PLEKHG7: variants seen among roughly 807,000 people sequenced by gnomAD.
PLEKHG7 encodes pleckstrin homology and RhoGEF domain containing G7.
Under a neutral mutation model 85.2 loss-of-function variants are expected in PLEKHG7, and 77 were observed. The ratio of observed to expected loss-of-function variants is 0.90; its 90% CI spans 0.75 to 1.09. The LOEUF is 1.09. Among genes scored for constraint, PLEKHG7 ranks in the 50% least tolerant of loss-of-function variants. PLEKHG7 has a pLI of 0.00. For missense variants in PLEKHG7, 777 were observed against 804.3 expected, an observed-to-expected ratio of 0.97 and a Z score of 0.41; for synonymous variants, 301 against 302.4, an observed-to-expected ratio of 1.00 and a Z score of 0.05.
rs1872810579 is a variant in PLEKHG7 at position 92,755,839 on chromosome 12, A to C, written c.1441A>C (p.Lys481Gln). 6.2e-7 allele frequency: 1 copy of C among 1,612,286 alleles called. No homozygotes were observed. The highest frequency in any genetic ancestry group is 1.3e-5 in the African/African-American group (1 of 74,862). ...VEKSIRDLEGKVKWLDNFQKF... is the reference protein window; with the variant it reads ...VEKSIRDLEGQVKWLDNFQKF... Reference sequence around the variant, plus strand: ...ATGTCTTTCAGGGGACCTTGAAGGAAAAGTGAAGTGGCTGGACAATTTCCA... The same window carrying C: ...ATGTCTTTCAGGGGACCTTGAAGGACAAGTGAAGTGGCTGGACAATTTCCA... Residue 481 changes from lysine to glutamine, a missense_variant, in exon 12 of 17, where the codon AAA (lysine) becomes CAA (glutamine). Coordinates refer to ENST00000344636, the MANE Select transcript of PLEKHG7 (RefSeq NM_001377329.1).
rs771132449 is a variant in PLEKHG7 at position 92,707,649 on chromosome 12, G to T, written c.508-1G>T. The T allele has an allele frequency of 1.1e-5, 18 of 1,613,554 alleles. No individual in the cohort carries two copies. The East Asian group carries it at 3.8e-4, about 34-fold the overall frequency. Reference sequence around the variant, plus strand: ...ACATATGTTCTTAAAATTTATTTCAGGGAGAAGAATTGCACCCATCCAGGT... The same window carrying T: ...ACATATGTTCTTAAAATTTATTTCATGGAGAAGAATTGCACCCATCCAGGT... On this transcript the variant is annotated splice_acceptor_variant, in intron 2 of 16. Coordinates refer to ENST00000344636, the MANE Select transcript of PLEKHG7 (RefSeq NM_001377329.1). LOFTEE classifies it high-confidence loss of function.
At chr12:92,731,636 G>C (rs1463035765) in intron 4 of PLEKHG7, among the ~76,000 whole-genome samples, 1 of 152,172 alleles carries the variant, frequency 6.6e-6, no homozygotes, top group African/African-American at 2.4e-5. Flanking sequence ...AATAATGAGG[G>C]ATTGAATAAC....
intron 3 of PLEKHG7, among the ~76,000 whole-genome samples, chr12:92,726,315 G>T (rs1291481465): frequency 6.6e-6 from 1 of 152,152 alleles, no homozygotes; most frequent in Non-Finnish European, 1.5e-5. Context: ...AGTGCTAGAT[G>T]GCAATAGACA....
At chr12:92,758,253 A>G (rs1872890893) in intron 13 of PLEKHG7, among the ~76,000 whole-genome samples, 1 of 152,236 alleles carries the variant, frequency 6.6e-6, no homozygotes, top group Non-Finnish European at 1.5e-5. Flanking sequence ...AAGATGCACC[A>G]GCTTCTCCTA....
intron 3 of PLEKHG7, among the ~76,000 whole-genome samples, chr12:92,723,307 G>A (rs961078575): frequency 2.0e-5 from 3 of 152,122 alleles, no homozygotes; most frequent in Non-Finnish European, 4.4e-5. Flanking sequence ...ACCAGGAGCT[G>A]GACCTAAGGG....
chr12:92,756,453 C>A (rs1872835512), intron 13 of PLEKHG7, 62 bp downstream of exon 13: 1 of 1,284,296 alleles, frequency 7.8e-7, no homozygotes, highest in Non-Finnish European at 1.1e-6. Flanking sequence ...TGTTTGACTG[C>A]CAGTAATTGA....
In PLEKHG7 at chr12:92,770,196, G is replaced by T; in HGVS notation, c.*1G>T. On this transcript the variant is annotated 3_prime_UTR_variant, in exon 17 of 17. Transcript: ENST00000344636. ...GCCCGCAGAATCCTCTGAAATTTAG[G>T]GACCTAAAACAAGTGGCATGTCTTT... 6.4e-7 allele frequency: 1 copy of T among 1,572,762 alleles called. No individual in the cohort carries two copies. The highest frequency in any genetic ancestry group is 8.7e-7 in the Non-Finnish European group (1 of 1,151,260).
At chr12:92,764,394 G>A (rs530815520) in intron 15 of PLEKHG7, among the ~76,000 whole-genome samples, 200 bp downstream of exon 15, 12 of 152,230 alleles carry the variant, frequency 7.9e-5, no homozygotes, top group South Asian at 2.1e-4. Flanking sequence ...CTTGCTAGCC[G>A]TATGACCTTA....
In PLEKHG7 at chr12:92,741,510, A is replaced by G. The variant is rs763486234; in HGVS notation, c.1055A>G (p.Asn352Ser). The change falls in exon 9 of 17, where the codon AAC becomes AGC. Residue 352 changes from asparagine to serine, a missense_variant. By Grantham distance (46) the Asn-to-Ser change is conservative (BLOSUM62 1). Transcript: ENST00000344636. ...CCCTAGACAAGCCTTGGTTTTGTGA[A>G]CAGTCTCTTTGGCATCATCAAGGAC... ...ELTQTSLGFV[N>S]SLFGIIKDYV... 1 of 1,610,380 alleles carries G rather than the reference A, an allele frequency of 6.2e-7. No homozygotes were observed. Among genetic ancestry groups the G allele is most frequent in the Non-Finnish European group, 8.5e-7 (1 of 1,178,594 alleles).
At chr12:92,755,578 A>G (rs1872801939) in intron 11 of PLEKHG7, among the ~76,000 whole-genome samples, 1 of 152,226 alleles carries the variant, frequency 6.6e-6, no homozygotes, top group East Asian at 1.9e-4. Context: ...AAATAAGAAT[A>G]CACAATATAC....
At chr12:92,736,032 T>C (rs1004152931) in intron 5 of PLEKHG7, among the ~76,000 whole-genome samples, 1 of 152,162 alleles carries the variant, frequency 6.6e-6, no homozygotes, top group Non-Finnish European at 1.5e-5. Flanking sequence ...TTGGGGCAAC[T>C]CGCTTGAACA....
At chr12:92,753,772 A>G (rs1188950595) in intron 10 of PLEKHG7, among the ~76,000 whole-genome samples, 1 of 152,202 alleles carries the variant, frequency 6.6e-6, no homozygotes, top group African/African-American at 2.4e-5. Context: ...CACAACAAGG[A>G]TGGGACCAAA....
In PLEKHG7 at chr12:92,707,142, A is replaced by T; in HGVS notation, c.507+4A>T. 1 of 1,610,166 alleles carries T rather than the reference A, an allele frequency of 6.2e-7. No homozygotes were observed. ...CCTACGACACCCTAGTCCTCAGGTA[A>T]CACAGCTCTAAGCCTCCGGCCTCTC... On this transcript the variant is annotated splice_donor_region_variant and intron_variant, in intron 2 of 16. Coordinates refer to ENST00000344636, the MANE Select transcript of PLEKHG7 (RefSeq NM_001377329.1).
intron 9 of PLEKHG7, among the ~76,000 whole-genome samples, chr12:92,744,779 C>A (rs1202645243): frequency 6.6e-6 from 1 of 151,810 alleles, no homozygotes; most frequent in Non-Finnish European, 1.5e-5. Context: ...AATTATCCTG[C>A]CTCAGCCTCC....
At chr12:92,756,582 G>C (rs193300619) in intron 13 of PLEKHG7, among the ~76,000 whole-genome samples, 191 bp downstream of exon 13, 1 of 152,268 alleles carries the variant, frequency 6.6e-6, no homozygotes, top group Admixed American at 6.5e-5. Context: ...AACTAGCTAG[G>C]TGCTCTCTGT....
intron 14 of PLEKHG7, among the ~76,000 whole-genome samples, chr12:92,762,585 A>G (rs75290003): frequency 0.07 from 10,603 of 152,190 alleles, 399 homozygotes; most frequent in Middle Eastern, 0.11. Flanking sequence ...CTAATTTACT[A>G]TTTCACAATC....
rs1252126645 is a variant in PLEKHG7, at chr12:92,771,695, A to T, written c.*1500A>T. On this transcript the variant is annotated 3_prime_UTR_variant, in exon 17 of 17. Transcript: ENST00000344636. ...ATAAAGAAATTTCTGGTTAAAAAAA[A>T]TTTTTACATTAACAATCATCTTGCA... The T allele has an allele frequency of 2.0e-5, 3 of 151,976 alleles. No individual in the cohort carries two copies. Among genetic ancestry groups the T allele is most frequent in the African/African-American group, 4.8e-5 (2 of 41,404 alleles). The allele number at this position is 151,976 out of a possible 1,614,324, so 9.4% of individuals were successfully genotyped here.
At chr12:92,732,307 T>C in intron 5 of PLEKHG7, 34 bp downstream of exon 5, 4 of 1,195,112 alleles carry the variant, frequency 3.3e-6, no homozygotes, top group Non-Finnish European at 4.2e-6. Context: ...TTGTTTTAAT[T>C]AAGCTTCCTG....
At chr12:92,711,262 T>A (rs7969355) in intron 3 of PLEKHG7, among the ~76,000 whole-genome samples, 1 of 152,144 alleles carries the variant, frequency 6.6e-6, no homozygotes, top group South Asian at 2.1e-4. Flanking sequence ...TTGTGCAGAA[T>A]AATCTGTGAA....
Sources: allele counts gnomAD v4.1 joint callset (sites outside exome capture counted in the v4.1 genomes callset), GRCh38; gene constraint gnomAD v4.1.1; transcripts MANE v1.5; gene names NCBI Gene and HGNC (gene_info 2026-07-23, HGNC 2026-07-21).